FCRL3: variants seen among roughly 807,000 people sequenced by gnomAD.
FCRL3 encodes the protein Fc receptor-like protein 3.
FCRL3 carries 89 observed loss-of-function variants against 75.0 expected under a neutral mutation model. That is an observed-to-expected ratio of 1.19 (90% CI 1.00 to 1.42). FCRL3 has a LOEUF of 1.42. Among genes scored for constraint, FCRL3 ranks in the 40% most tolerant of loss-of-function variants. The probability of loss-of-function intolerance (pLI) is 0.00; values close to 1 mark genes in which losing one functional copy is unlikely to be tolerated. For missense variants in FCRL3, 946 were observed against 880.0 expected, an observed-to-expected ratio of 1.07 and a Z score of -0.95; for synonymous variants, 376 against 348.5, an observed-to-expected ratio of 1.08 and a Z score of -0.88.
Position 157,680,681 on chromosome 1 carries a change from T to G in FCRL3, c.2026+21A>C, listed in dbSNP as rs201537255. On this transcript the variant is annotated intron_variant, in intron 13 of 14. Transcript: ENST00000368184. ...ATAAAACACTGCCACCTCACCTCTATTTGCCTGAAAGGCATCTTACCTGAG... is the reference window on the plus strand; with the variant it reads ...ATAAAACACTGCCACCTCACCTCTAGTTGCCTGAAAGGCATCTTACCTGAG... The G allele has an allele frequency of 2.5e-4, 406 of 1,609,360 alleles. 1 individual carries two copies. The highest frequency in any genetic ancestry group is 1.0e-3 in the South Asian group (92 of 90,950).
chr1:157,698,680 G>C (rs757733441), intron 3 of FCRL3, 51 bp from the exon 4 acceptor site: 1 of 1,599,992 alleles, frequency 6.3e-7, no homozygotes, highest in Non-Finnish European at 8.5e-7. Context: ...TGGGAGGTGG[G>C]CACAGCACAT....
intron 8 of FCRL3, chr1:157,691,957 T>C (rs1655570809): frequency 6.6e-6 from 1 of 152,198 alleles, no homozygotes; most frequent in African/African-American, 2.4e-5. Flanking sequence ...TAAGAGTATT[T>C]CTTTTTGAGC....
chr1:157,696,455 T>G, intron 6 of FCRL3, 128 bp from the exon 7 acceptor site: 1 of 889,974 alleles, frequency 1.1e-6, no homozygotes, highest in South Asian at 1.7e-5. Flanking sequence ...AAGTAGGAAA[T>G]AAGAAATTAA....
chr1:157,682,779 G>A (rs1290268868), intron 11 of FCRL3, among the ~76,000 whole-genome samples: 2 of 152,164 alleles, frequency 1.3e-5, no homozygotes, highest in African/African-American at 4.8e-5. Context: ...GATGCCATGC[G>A]AGCTCTTCAA....
At chr1:157,700,828 T>C, upstream of FCRL3, 1 of 948,248 alleles carries the variant, frequency 1.1e-6, no homozygotes, top group East Asian at 5.3e-5. Context: ...TAATTCTTTC[T>C]GTATTTTTCA....
intron 8 of FCRL3, among the ~76,000 whole-genome samples, chr1:157,695,013 G>T (rs1655792397): frequency 6.6e-6 from 1 of 152,144 alleles, no homozygotes; most frequent in African/African-American, 2.4e-5. Context: ...GGCTTTCTGT[G>T]CCATTTTCCT....
rs1410367683 is a variant in FCRL3, at chr1:157,697,180, G to T, written c.804C>A (p.Ser268Arg). Reference sequence around the variant, plus strand: ...GAGATCTCAGGCTCCTTTTTTTGATGCTGTGAGTCACTGTCTCCACCTCAC... The same window carrying T: ...GAGATCTCAGGCTCCTTTTTTTGATTCTGTGAGTCACTGTCTCCACCTCAC... Reference protein sequence around the residue: ...YWCEVETVTHSIKKRSLRSQI... With the variant: ...YWCEVETVTHRIKKRSLRSQI... Residue 268 changes from serine to arginine, a missense_variant, in exon 6 of 15, where the codon AGC (serine) becomes AGA (arginine). Coordinates refer to ENST00000368184, the MANE Select transcript of FCRL3 (RefSeq NM_052939.4). 2 of 1,519,758 alleles carry T rather than the reference G, an allele frequency of 1.3e-6. No homozygotes were observed. Among genetic ancestry groups the T allele is most frequent in the Admixed American group, 2.2e-5 (1 of 46,480 alleles). The allele number at this position is 1,519,758 out of a possible 1,614,324, so 94.1% of individuals were successfully genotyped here.
chr1:157,687,881 TC>T (rs1460677121), intron 10 of FCRL3, among the ~76,000 whole-genome samples: 21 of 151,918 alleles, frequency 1.4e-4, no homozygotes, highest in African/African-American at 5.1e-4. Context: ...AATCTCAATA[TC>T]ATGCAATATA....
chr1:157,682,087 G>A (rs1397119059), intron 11 of FCRL3, among the ~76,000 whole-genome samples: 9 of 152,086 alleles, frequency 5.9e-5, no homozygotes, highest in Non-Finnish European at 1.3e-4. Flanking sequence ...TTTTGATGGG[G>A]TTGTTTGTTT....
chr1:157,682,022 T>C (rs555044610), intron 11 of FCRL3, among the ~76,000 whole-genome samples: 3 of 151,968 alleles, frequency 2.0e-5, no homozygotes. Flanking sequence ...CATGTGTTTT[T>C]TGGCTGCATA....
At chr1:157,684,355 C>T (rs898939280) in intron 10 of FCRL3, among the ~76,000 whole-genome samples, 1 of 152,136 alleles carries the variant, frequency 6.6e-6, no homozygotes, top group African/African-American at 2.4e-5. Context: ...AGCCTTGACT[C>T]TCATGAAAAA....
chr1:157,679,203 A>AAAAAGTACTGCCCCAAGC, intron 13 of FCRL3: 2 of 587,462 alleles, frequency 3.4e-6, no homozygotes, highest in East Asian at 5.7e-5. Flanking sequence ...ACCCAAATAG[A>AAAAAGTACTGCCCCAAGC]AAAAGTACTG....
Position 157,690,334 on chromosome 1 carries a change from T to C in FCRL3, c.1611A>G (p.Glu537=). The C allele has an allele frequency of 6.2e-7, 1 of 1,614,242 alleles. No individual in the cohort carries two copies. Residue 537 remains glutamate (E), a synonymous_variant, in exon 9 of 15, where the codon GAA becomes GAG. Coordinates refer to ENST00000368184, the MANE Select transcript of FCRL3 (RefSeq NM_052939.4). ...CCTCACATGAGTAGTTTCCAGAATG[T>C]TCTGTAGTCAGAGAGAGGTTGAAGG... ...GASFNLSLTT[E]HSGNYSCEAD...
In FCRL3 at chr1:157,678,854, T is replaced by A. The variant is rs146932812; in HGVS notation, c.2061A>T (p.Glu687Asp). Residue 687 changes from glutamate to aspartate, a missense_variant and splice_region_variant, in exon 15 of 15, where the codon GAA (glutamate) becomes GAT (aspartate). Transcript: ENST00000368184. ...NCPMMHQEHEELTVLYSELKK... is the reference protein window; with the variant it reads ...NCPMMHQEHEDLTVLYSELKK... ...TCAGTTCTGAATAGAGGACTGTAAG[T>A]TCCTGGTAGAAAAAAACACAAAAGG... 27 of 1,613,828 alleles carry A rather than the reference T, an allele frequency of 1.7e-5. 1 individual carries two copies. Among genetic ancestry groups the A allele is most frequent in the Non-Finnish European group, 2.2e-5 (26 of 1,179,962 alleles).
Position 157,677,836 on chromosome 1 carries a change from G to T in FCRL3, c.*874C>A. ...ACATTAATATGATAGAAATAGGAGA[G>T]CATGGGAATAATGAACATGAGATTT... On this transcript the variant is annotated 3_prime_UTR_variant, in exon 15 of 15. Transcript: ENST00000368184. 1.8e-6 allele frequency: 1 copy of T among 567,266 alleles called. No homozygotes were observed. The allele number at this position is 567,266 out of a possible 1,614,324, so 35.1% of individuals were successfully genotyped here.
rs532700502 is a variant in FCRL3, at chr1:157,676,534, T to C, written c.*2176A>G. 3 of 565,976 alleles carry C rather than the reference T, an allele frequency of 5.3e-6. No homozygotes were observed. In the African/African-American group the frequency reaches 5.6e-5, roughly 11 times the overall value. The allele number at this position is 565,976 out of a possible 1,614,324, so 35.1% of individuals were successfully genotyped here. A position where few individuals can be genotyped will look rare whatever the true frequency, so the allele number is the denominator to read the frequency against. On this transcript the variant is annotated 3_prime_UTR_variant, in exon 15 of 15. Transcript: ENST00000368184. ...AAGGCTCCACTAAAATTACTTTTTT[T>C]AGATTTCTGGGCTATGGGTTTTTAG...
rs796124274 is a variant in FCRL3, at chr1:157,696,652, G to A, written c.845-325C>T. On this transcript the variant is annotated intron_variant, in intron 6 of 14. Transcript: ENST00000368184. The stretch of plus-strand genomic sequence containing the variant: ...CCACAAAATAAAAGAGAACACTGGA[G>A]ATCCTCTGTTTTGAAGATCAAAATA... 31 of 331,132 alleles carry A rather than the reference G, an allele frequency of 9.4e-5. 2 individuals carry two copies. Among genetic ancestry groups the A allele is most frequent in the African/African-American group, 6.2e-4 (30 of 48,090 alleles). The allele number at this position is 331,132 out of a possible 1,614,324, so 20.5% of individuals were successfully genotyped here. A position where few individuals can be genotyped will look rare whatever the true frequency, so the allele number is the denominator to read the frequency against.
At position 157,689,831 on chromosome 1, in the gene FCRL3, GAGC is replaced by G. The variant is rs541277881; in HGVS notation, c.1774_1776del (p.Ala592del). On this transcript the variant is annotated inframe_deletion, in exon 10 of 15. Coordinates refer to ENST00000368184, the MANE Select transcript of FCRL3 (RefSeq NM_052939.4). ...CTTCGGGCCCTGGCGTAATGCAGCA[GAGC>G]AGCAGCAGCAGCAAGGACGAGGATG... is the stretch of plus-strand genomic sequence containing the variant. 31 of 1,613,702 alleles carry G rather than the reference GAGC, an allele frequency of 1.9e-5. 1 individual carries two copies. Among genetic ancestry groups the G allele is most frequent in the South Asian group, 5.5e-5 (5 of 91,018 alleles).
chr1:157,681,928 C>T (rs12084565), intron 11 of FCRL3, among the ~76,000 whole-genome samples: 5,267 of 151,480 alleles, frequency 0.035, 290 homozygotes, highest in African/African-American at 0.12. Flanking sequence ...TTTTAATGAT[C>T]GCCATTCTAA....
Sources: gnomAD v4.1 joint callset for allele counts (sites outside exome capture counted in the v4.1 genomes callset) on GRCh38, gnomAD v4.1.1 for gene constraint, MANE v1.5 for transcripts, NCBI Gene and HGNC (gene_info 2026-07-23, HGNC 2026-07-21) for gene names.